ZNF626: variants seen among roughly 807,000 people sequenced by gnomAD.
ZNF626 encodes zinc finger protein 626, also known as CTC-513N18.7.
In ZNF626, 4 loss-of-function variants were observed where a neutral mutation model predicts 11.7. That is an observed-to-expected ratio of 0.34 (90% CI 0.17 to 0.78). The LOEUF (loss-of-function observed/expected upper bound fraction) is 0.78. Among genes scored for constraint, ZNF626 ranks in the 30% least tolerant of loss-of-function variants. The probability of loss-of-function intolerance (pLI) is 0.57; values close to 1 mark genes in which losing one functional copy is unlikely to be tolerated. For missense variants in ZNF626, 588 were observed against 587.1 expected (o/e 1.00, Z -0.01); for synonymous variants, 179 against 198.6 (o/e 0.90, Z 0.83).
Position 20,620,485 on chromosome 19 carries a change from G to A in ZNF626, c.*3805C>T, listed in dbSNP as rs1367879204. The stretch of plus-strand genomic sequence containing the variant: ...AAATTAAAAGTCTTTACGTTTGCAG[G>A]CAGAGTGACCACATGTTCAAAGAAA... On this transcript the variant is annotated 3_prime_UTR_variant, in exon 4 of 4. Transcript: ENST00000601440. The A allele has an allele frequency of 6.6e-6, 1 of 152,086 alleles. No homozygotes were observed. Among genetic ancestry groups the A allele is most frequent in the Admixed American group, 6.5e-5 (1 of 15,276 alleles). 9.4% of individuals were successfully genotyped at this position (152,086 alleles called of 1,614,324 possible). A position where few individuals can be genotyped will look rare whatever the true frequency, so the allele number is the denominator to read the frequency against.
At chr19:20,643,582 A>G (rs1339000987) in intron 3 of ZNF626, among the ~76,000 whole-genome samples, 1 of 152,228 alleles carries the variant, frequency 6.6e-6, no homozygotes, top group Non-Finnish European at 1.5e-5. Context: ...AGAATATAGA[A>G]AGAAAAAAGG....
chr19:20,627,355 ATTT>A (rs1555769887), intron 3 of ZNF626, among the ~76,000 whole-genome samples: 1 of 152,028 alleles, frequency 6.6e-6, no homozygotes, highest in Non-Finnish European at 1.5e-5. Flanking sequence ...ACTGAAGTTT[ATTT>A]TTTACCACAT....
At chr19:20,634,225 C>A (rs1349537492) in intron 3 of ZNF626, among the ~76,000 whole-genome samples, 1 of 148,418 alleles carries the variant, frequency 6.7e-6, no homozygotes, top group African/African-American at 2.5e-5. Context: ...TAGGATATTT[C>A]AATACTCCAC....
At chr19:20,645,307 A>AG in intron 3 of ZNF626, 1 of 1,546,592 alleles carries the variant, frequency 6.5e-7, no homozygotes, top group Non-Finnish European at 8.7e-7. Flanking sequence ...ATGCAAAGAG[A>AG]ACTTTGAGAG....
chr19:20,656,347 CAT>C (rs1970205443), intron 1 of ZNF626, among the ~76,000 whole-genome samples: 3 of 151,654 alleles, frequency 2.0e-5, no homozygotes, highest in African/African-American at 7.3e-5. Flanking sequence ...TGCAAGATAA[CAT>C]AGAGAATAAC....
chr19:20,636,370 CAATTAT>C (rs1969965493), intron 3 of ZNF626, among the ~76,000 whole-genome samples: 1 of 151,640 alleles, frequency 6.6e-6, no homozygotes, highest in Non-Finnish European at 1.5e-5. Flanking sequence ...TTGTTATATA[CAATTAT>C]AATATAAACT....
At chr19:20,632,785 C>T (rs1229497475) in intron 3 of ZNF626, among the ~76,000 whole-genome samples, 2 of 152,170 alleles carry the variant, frequency 1.3e-5, no homozygotes, top group Admixed American at 6.5e-5. Context: ...TCTCTCAACT[C>T]GTCAAAGTCA....
intron 1 of ZNF626, among the ~76,000 whole-genome samples, chr19:20,650,143 T>A (rs1272476237): frequency 6.6e-6 from 1 of 152,116 alleles, no homozygotes. Flanking sequence ...TTAATTCTCA[T>A]AACACCCTGG....
intron 3 of ZNF626, among the ~76,000 whole-genome samples, chr19:20,631,204 A>C (rs1336931102): frequency 6.6e-6 from 1 of 151,780 alleles, no homozygotes; most frequent in Non-Finnish European, 1.5e-5. Flanking sequence ...CTATGTGGTC[A>C]ATTTTGAAGT....
chr19:20,636,982 C>T (rs1260435117), intron 3 of ZNF626, among the ~76,000 whole-genome samples: 3 of 125,332 alleles, frequency 2.4e-5, no homozygotes, highest in African/African-American at 3.2e-5. Context: ...AATCATGCCA[C>T]GGTACTCCAG....
intron 1 of ZNF626, among the ~76,000 whole-genome samples, chr19:20,654,698 C>T (rs1486910993): frequency 2.7e-5 from 4 of 148,986 alleles, no homozygotes; most frequent in Admixed American, 6.7e-5. Flanking sequence ...AGTGAGACTC[C>T]GGAAAAAAAA....
At chr19:20,631,578 A>G (rs1969906273) in intron 3 of ZNF626, among the ~76,000 whole-genome samples, 1 of 137,388 alleles carries the variant, frequency 7.3e-6, no homozygotes, top group African/African-American at 3.0e-5. Flanking sequence ...GTTGGTTTAA[A>G]GTCTGTTTTA....
chr19:20,640,903 T>C (rs1197860906), intron 3 of ZNF626, among the ~76,000 whole-genome samples: 1 of 151,858 alleles, frequency 6.6e-6, no homozygotes, highest in African/African-American at 2.4e-5. Context: ...TCCTAGCAAT[T>C]TGGGAGGCCA....
intron 1 of ZNF626, among the ~76,000 whole-genome samples, chr19:20,653,238 A>G (rs568392002): frequency 8.5e-5 from 13 of 152,294 alleles, no homozygotes; most frequent in Non-Finnish European, 1.8e-4. Context: ...ACAATAATTA[A>G]AAGAAAAATT....
chr19:20,636,860 A>G (rs1362534080), intron 3 of ZNF626, among the ~76,000 whole-genome samples: 1 of 152,052 alleles, frequency 6.6e-6, no homozygotes, highest in Non-Finnish European at 1.5e-5. Flanking sequence ...GTTTGTACTA[A>G]AAGTGCAAAA....
In ZNF626 at chr19:20,646,308, A is replaced by G. The variant is rs1555771900; in HGVS notation, c.101T>C (p.Leu34Ser). 1.2e-6 allele frequency: 2 copies of G among 1,614,114 alleles called. No individual in the cohort carries two copies. The highest frequency in any genetic ancestry group is 1.7e-5 in the Admixed American group (1 of 60,020). Residue 34 changes from leucine to serine, a missense_variant, in exon 2 of 4, where the codon TTA becomes TCA. Transcript: ENST00000601440. Reference protein sequence around the residue: ...AQRNLYRNVMLENYSNLVFLG... With the variant: ...AQRNLYRNVMSENYSNLVFLG... ...GAAGACCAGGTTACTGTAGTTCTCT[A>G]ACATCACATTCCTATATAAATTCCG...
At chr19:20,631,640 G>C (rs1307989075) in intron 3 of ZNF626, among the ~76,000 whole-genome samples, 2 of 147,674 alleles carry the variant, frequency 1.4e-5, no homozygotes, top group African/African-American at 2.6e-5. Flanking sequence ...CCATTTGCTT[G>C]GTAGATCTTC....
rs1555768549 is a variant in ZNF626, at chr19:20,620,488, G to C, written c.*3802C>G. On this transcript the variant is annotated 3_prime_UTR_variant, in exon 4 of 4. Transcript: ENST00000601440. Reference sequence around the variant, plus strand: ...TTAAAAGTCTTTACGTTTGCAGGCAGAGTGACCACATGTTCAAAGAAACTA... The same window carrying C: ...TTAAAAGTCTTTACGTTTGCAGGCACAGTGACCACATGTTCAAAGAAACTA... 1 of 152,170 alleles carries C rather than the reference G, an allele frequency of 6.6e-6. No individual in the cohort carries two copies. The highest frequency in any genetic ancestry group is 6.5e-5 in the Admixed American group (1 of 15,270). The allele number at this position is 152,170 out of a possible 1,614,324, so 9.4% of individuals were successfully genotyped here.
At chr19:20,640,450 A>G (rs1970011903) in intron 3 of ZNF626, among the ~76,000 whole-genome samples, 1 of 151,534 alleles carries the variant, frequency 6.6e-6, no homozygotes, top group Non-Finnish European at 1.5e-5. Context: ...ACAATTCAAG[A>G]GTAACAACAT....
Sources: allele counts gnomAD v4.1 joint callset (sites outside exome capture counted in the v4.1 genomes callset), GRCh38; gene constraint gnomAD v4.1.1; transcripts MANE v1.5; gene names NCBI Gene and HGNC (gene_info 2026-07-23, HGNC 2026-07-21).